Variants in IGSF21 observed in about 807,000 individuals in gnomAD.
IGSF21 encodes the protein immunoglobin superfamily member 21, also known as immunoglobulin superfamily member 21.
IGSF21 carries 28 observed loss-of-function variants against 46.8 expected under a neutral mutation model. That is an observed-to-expected ratio of 0.60 (90% CI 0.44 to 0.82). The LOEUF is 0.82. Ranked by LOEUF, IGSF21 falls within the 40% of genes least tolerant of loss-of-function variation. IGSF21 has a pLI of 0.00. For missense variants in IGSF21, 624 were observed against 665.5 expected (o/e 0.94, Z 0.69); for synonymous variants, 284 against 273.6 (o/e 1.04, Z -0.38).
At chr1:18,227,235 G>A (rs990634471) in intron 1 of IGSF21, among the ~76,000 whole-genome samples, 2 of 152,100 alleles carry the variant, frequency 1.3e-5, no homozygotes, top group Non-Finnish European at 2.9e-5. Context: ...CCAATGGAGG[G>A]TGTTAAGGAA....
chr1:18,218,880 T>G (rs933790246), intron 1 of IGSF21, among the ~76,000 whole-genome samples: 1 of 152,020 alleles, frequency 6.6e-6, no homozygotes, highest in Admixed American at 6.5e-5. Flanking sequence ...AGCAAAGACA[T>G]AGAAGATATA....
At chr1:18,367,523 G>C (rs2086178391) in intron 6 of IGSF21, among the ~76,000 whole-genome samples, 1 of 151,398 alleles carries the variant, frequency 6.6e-6, no homozygotes, top group Non-Finnish European at 1.5e-5. Context: ...ACCAGCCCCA[G>C]GATGTGGTGT....
intron 2 of IGSF21, among the ~76,000 whole-genome samples, chr1:18,272,358 T>C (rs2085051141): frequency 6.6e-6 from 1 of 152,158 alleles, no homozygotes; most frequent in Non-Finnish European, 1.5e-5. Flanking sequence ...TATCACCCTC[T>C]CTGCCACTTC....
chr1:18,298,018 G>A (rs900158825), intron 3 of IGSF21, among the ~76,000 whole-genome samples: 1 of 152,188 alleles, frequency 6.6e-6, no homozygotes, highest in Non-Finnish European at 1.5e-5. Flanking sequence ...AGTATAAGAA[G>A]CCAGCCAGGC....
At chr1:18,302,653 G>T (rs1301560278) in intron 3 of IGSF21, among the ~76,000 whole-genome samples, 1 of 151,940 alleles carries the variant, frequency 6.6e-6, no homozygotes, top group African/African-American at 2.4e-5. Flanking sequence ...ATGCATTCTT[G>T]CATCTCTTGG....
rs1319588754 is a variant in IGSF21, at chr1:18,305,283, GGATAGATGGATGGATGCATGGATA to G, written c.305+13301_305+13324del. 2.6e-5 allele frequency among the ~76,000 whole-genome samples: 4 copies of G among 151,926 alleles called. No individual in the cohort carries two copies. In the East Asian group the frequency reaches 5.9e-4, roughly 22 times the overall value. ...ATGGTGGATGGGTGGATGGATGAAT[GGATAGATGGATGGATGCATGGATA>G]GATAATGGATGGATGGATGATGGAT... is the stretch of plus-strand genomic sequence containing the variant. On this transcript the variant is annotated intron_variant, in intron 3 of 9. Transcript: ENST00000251296.
At chr1:18,143,033 T>C (rs922939389) in intron 1 of IGSF21, among the ~76,000 whole-genome samples, 10 of 152,168 alleles carry the variant, frequency 6.6e-5, no homozygotes, top group African/African-American at 2.2e-4. Flanking sequence ...CCCAGAGCCT[T>C]CCCTGGGCCT....
At chr1:18,343,151 G>C (rs1454491563) in intron 4 of IGSF21, among the ~76,000 whole-genome samples, 1 of 152,188 alleles carries the variant, frequency 6.6e-6, no homozygotes. Flanking sequence ...AGTGAATGTG[G>C]AGTGATGTCT....
At chr1:18,216,353 G>C (rs1375600526) in intron 1 of IGSF21, among the ~76,000 whole-genome samples, 1 of 152,234 alleles carries the variant, frequency 6.6e-6, no homozygotes, top group Non-Finnish European at 1.5e-5. Context: ...AAGGGACTCA[G>C]TTGGCCATGA....
intron 4 of IGSF21, among the ~76,000 whole-genome samples, chr1:18,355,730 G>C (rs1243844481): frequency 2.0e-5 from 3 of 152,030 alleles, no homozygotes; most frequent in Admixed American, 6.6e-5. Flanking sequence ...TTATAGAATA[G>C]GGTCGGCCTT....
intron 2 of IGSF21, among the ~76,000 whole-genome samples, chr1:18,262,434 G>A (rs1184475598): frequency 6.6e-6 from 1 of 152,176 alleles, no homozygotes; most frequent in African/African-American, 2.4e-5. Context: ...TCTATAATTT[G>A]TGGGATTTAG....
chr1:18,162,909 GA>G (rs1373409049), intron 1 of IGSF21, among the ~76,000 whole-genome samples: 1 of 152,206 alleles, frequency 6.6e-6, no homozygotes, highest in East Asian at 1.9e-4. Context: ...CAGAAGGGTT[GA>G]AACCCAGAGG....
intron 1 of IGSF21, among the ~76,000 whole-genome samples, chr1:18,155,470 C>G (rs1323997509): frequency 6.6e-6 from 1 of 152,218 alleles, no homozygotes; most frequent in Non-Finnish European, 1.5e-5. Flanking sequence ...CTGAGGCAGT[C>G]AACCAACTGG....
chr1:18,176,284 T>A lies in IGSF21; in HGVS notation c.71-51614T>A, dbSNP rs915478809. ...AGAGAGGCATCCTAGCTTAAAGATA[T>A]CTGACTTGCAAATGACGAGACACCT... On this transcript the variant is annotated intron_variant, in intron 1 of 9. Transcript: ENST00000251296. The A allele has an allele frequency of 2.2e-4, 34 of 152,192 alleles. 1 individual carries two copies. Among genetic ancestry groups the A allele is most frequent in the African/African-American group, 8.0e-4 (33 of 41,440 alleles). 9.4% of individuals were successfully genotyped at this position (152,192 alleles called of 1,614,324 possible).
intron 3 of IGSF21, among the ~76,000 whole-genome samples, chr1:18,310,294 C>T (rs1340268173): frequency 6.6e-6 from 1 of 152,208 alleles, no homozygotes; most frequent in African/African-American, 2.4e-5. Flanking sequence ...CTCAGCCCCT[C>T]ATGAGGTTTC....
At chr1:18,162,852 A>T (rs760647872) in intron 1 of IGSF21, among the ~76,000 whole-genome samples, 2 of 152,156 alleles carry the variant, frequency 1.3e-5, no homozygotes, top group Non-Finnish European at 2.9e-5. Flanking sequence ...GCCAAAAGGA[A>T]GGAGCCGCTC....
In IGSF21 at chr1:18,334,243, G is replaced by A. The variant is rs961660323; in HGVS notation, c.306-649G>A. ...GATAAGCTCACGCTTTTCCATGTGA[G>A]TGTGGAACCCAGATCAGCTTCTCTA... On this transcript the variant is annotated intron_variant, in intron 3 of 9. Coordinates refer to ENST00000251296, the MANE Select transcript of IGSF21 (RefSeq NM_032880.5). The surrounding 1 kb of genome is among the most constrained non-coding windows in gnomAD (Gnocchi z 4.3). Among the ~76,000 whole-genome samples, 5 of 152,204 alleles carry A rather than the reference G, an allele frequency of 3.3e-5. No individual in the cohort carries two copies. The highest frequency in any genetic ancestry group is 1.2e-4 in the African/African-American group (5 of 41,456).
chr1:18,306,264 C>G (rs2085425559), intron 3 of IGSF21, among the ~76,000 whole-genome samples: 1 of 152,222 alleles, frequency 6.6e-6, no homozygotes, highest in South Asian at 2.1e-4. Flanking sequence ...TCTCGCCAAG[C>G]TTGTTCTTAC....
At chr1:18,123,361 G>T (rs1236022227) in intron 1 of IGSF21, among the ~76,000 whole-genome samples, 1 of 152,220 alleles carries the variant, frequency 6.6e-6, no homozygotes, top group Non-Finnish European at 1.5e-5. Context: ...GCATAGGACA[G>T]AGCCTTATTC....
Sources: gnomAD v4.1 joint callset for allele counts (sites outside exome capture counted in the v4.1 genomes callset) on GRCh38, gnomAD v4.1.1 for gene constraint, Gnocchi (gnomAD v3.1) non-coding constraint, MANE v1.5 for transcripts, NCBI Gene and HGNC (gene_info 2026-07-23, HGNC 2026-07-21) for gene names.